Variants in CAVIN1 observed in about 807,000 individuals in gnomAD.
CAVIN1 encodes the protein caveolae associated protein 1.
In CAVIN1, 16 loss-of-function variants were observed where a neutral mutation model predicts 24.0. The observed-to-expected ratio is 0.67, with a 90% CI of 0.45 to 1.01. The LOEUF is 1.01. Among genes scored for constraint, CAVIN1 ranks in the 50% least tolerant of loss-of-function variants. CAVIN1 has a pLI of 0.00. For synonymous variants in CAVIN1, 256 were observed against 256.4 expected, an observed-to-expected ratio of 1.00 and a Z score of 0.02; for missense variants, 510 against 551.7, an observed-to-expected ratio of 0.92 and a Z score of 0.76.
At position 42,422,846 on chromosome 17, in the gene CAVIN1, G is replaced by C. The variant is rs1311131868; in HGVS notation, c.252C>G (p.Gly84=). 6.2e-7 allele frequency: 1 copy of C among 1,613,150 alleles called. No homozygotes were observed. Among genetic ancestry groups the C allele is most frequent in the Non-Finnish European group, 8.5e-7 (1 of 1,179,892 alleles). ...QLEERQAEME[G]AVQSIQGELS... ...GCTCGCCCTGGATGCTCTGCACTGCGCCCTCCATCTCCGCCTGCCGCTCCT... is the reference window on the plus strand; with the variant it reads ...GCTCGCCCTGGATGCTCTGCACTGCCCCCTCCATCTCCGCCTGCCGCTCCT... Residue 84 remains glycine, a synonymous_variant, in exon 1 of 2, where the codon GGC becomes GGG. Coordinates refer to ENST00000357037, the MANE Select transcript of CAVIN1 (RefSeq NM_012232.6).
intron 1 of CAVIN1, among the ~76,000 whole-genome samples, chr17:42,411,207 A>AAAAAAAAAAAAAAAC (rs758609413): frequency 0.018 from 2,274 of 126,836 alleles, 4 homozygotes; most frequent in East Asian, 0.051. Flanking sequence ...AAAAAAAAAA[A>AAAAAAAAAAAAAAAC]AACTAAAAGG....
At chr17:42,406,614 T>C (rs2085448182) in intron 1 of CAVIN1, among the ~76,000 whole-genome samples, 1 of 151,898 alleles carries the variant, frequency 6.6e-6, no homozygotes, top group Admixed American at 6.5e-5. Context: ...TGACCTCAAA[T>C]GATCCACCCG....
At chr17:42,415,887 G>T (rs2085508897) in intron 1 of CAVIN1, among the ~76,000 whole-genome samples, 1 of 152,024 alleles carries the variant, frequency 6.6e-6, no homozygotes, top group African/African-American at 2.4e-5. Flanking sequence ...CTCCCCTCTT[G>T]CTATCAGTTG....
chr17:42,412,054 C>T (rs1450462076), intron 1 of CAVIN1: 2 of 985,274 alleles, frequency 2.0e-6, no homozygotes, highest in Non-Finnish European at 2.4e-6. Flanking sequence ...CTAAACACTC[C>T]CACCGGCTGT....
chr17:42,405,263 C>T lies in CAVIN1; in HGVS notation c.597G>A (p.Leu199=). 6.2e-7 allele frequency: 1 copy of T among 1,613,476 alleles called. No individual in the cohort carries two copies. Among genetic ancestry groups the T allele is most frequent in the Non-Finnish European group, 8.5e-7 (1 of 1,179,950 alleles). Residue 199 remains leucine, a synonymous_variant, in exon 2 of 2, where the codon CTG becomes CTA. Coordinates refer to ENST00000357037, the MANE Select transcript of CAVIN1 (RefSeq NM_012232.6). ...GERPEEDAAA[L]ELSSDEAVEV... ...CCACCGCCTCGTCCGACGAAAGCTC[C>T]AGCGCCGCTGCGTCCTCCTCGGGCC...
At chr17:42,410,722 G>C (rs1317407407) in intron 1 of CAVIN1, among the ~76,000 whole-genome samples, 1 of 151,552 alleles carries the variant, frequency 6.6e-6, no homozygotes, top group Non-Finnish European at 1.5e-5. Context: ...GACCATTCTG[G>C]CCAACATGGT....
At chr17:42,409,102 T>TTTTG (rs1009797319) in intron 1 of CAVIN1, among the ~76,000 whole-genome samples, 5 of 150,346 alleles carry the variant, frequency 3.3e-5, no homozygotes, top group African/African-American at 9.8e-5. Flanking sequence ...ATTTTTGTGT[T>TTTTG]TTTGTTTGTT....
intron 1 of CAVIN1, among the ~76,000 whole-genome samples, chr17:42,421,449 G>A (rs564387048): frequency 4.6e-5 from 7 of 152,254 alleles, no homozygotes; most frequent in African/African-American, 1.7e-4. Context: ...AGGAAGGGGA[G>A]AGGGGAGCAT....
intron 1 of CAVIN1, among the ~76,000 whole-genome samples, chr17:42,419,471 C>T (rs2085532336): frequency 6.6e-6 from 1 of 151,968 alleles, no homozygotes; most frequent in Non-Finnish European, 1.5e-5. Context: ...CACCACCATG[C>T]CCGGCTAATT....
chr17:42,404,751 T>A lies in CAVIN1; in HGVS notation c.1109A>T (p.His370Leu). ...CTCCTCGGTGATCTCCAGCAGCGCGTGCACGTCGGGGCTGCTCCCGCGCCG... is the reference window on the plus strand; with the variant it reads ...CTCCTCGGTGATCTCCAGCAGCGCGAGCACGTCGGGGCTGCTCCCGCGCCG... The part of the protein sequence containing the change: ...DLRRGSSPDV[H>L]ALLEITEESD... The change falls in exon 2 of 2, where the codon CAC becomes CTC. Residue 370 changes from histidine to leucine, a missense_variant. His to Leu is a moderately conservative substitution (Grantham distance 99). Coordinates refer to ENST00000357037, the MANE Select transcript of CAVIN1 (RefSeq NM_012232.6). 1 of 1,530,860 alleles carries A rather than the reference T, an allele frequency of 6.5e-7. No homozygotes were observed. Among genetic ancestry groups the A allele is most frequent in the Non-Finnish European group, 8.7e-7 (1 of 1,144,986 alleles). The allele number at this position is 1,530,860 out of a possible 1,614,324, so 94.8% of individuals were successfully genotyped here.
At chr17:42,411,207 A>AAAAAAAAAAAAAAAAAC (rs758609413) in intron 1 of CAVIN1, among the ~76,000 whole-genome samples, 2,559 of 127,022 alleles carry the variant, frequency 0.02, 232 homozygotes, top group East Asian at 0.062. Flanking sequence ...AAAAAAAAAA[A>AAAAAAAAAAAAAAAAAC]AACTAAAAGG....
intron 1 of CAVIN1, among the ~76,000 whole-genome samples, chr17:42,419,606 C>T (rs1030293425): frequency 6.6e-6 from 1 of 152,270 alleles, no homozygotes; most frequent in East Asian, 1.9e-4. Context: ...CCACCTAGCC[C>T]GGCCTCTGCA....
rs1471011785 is a variant in CAVIN1 at position 42,423,128 on chromosome 17, G to GTGGGGC, written c.-37_-32dup. The GTGGGGC allele has an allele frequency of 1.3e-6, 2 of 1,494,954 alleles. No homozygotes were observed. Among genetic ancestry groups the GTGGGGC allele is most frequent in the Non-Finnish European group, 1.8e-6 (2 of 1,111,458 alleles). The allele number at this position is 1,494,954 out of a possible 1,614,324, so 92.6% of individuals were successfully genotyped here. On this transcript the variant is annotated 5_prime_UTR_variant, in exon 1 of 2. Coordinates refer to ENST00000357037, the MANE Select transcript of CAVIN1 (RefSeq NM_012232.6). ...CCCGGAGCCGTGCGGGACCGGCCGGGTGGGGCTGGAGCTGGAGCGGGAGAC... is the reference window on the plus strand; with the variant it reads ...CCCGGAGCCGTGCGGGACCGGCCGGGTGGGGCTGGGGCTGGAGCTGGAGCGGGAGAC...
intron 1 of CAVIN1, among the ~76,000 whole-genome samples, chr17:42,422,007 G>C (rs1370843341): frequency 3.9e-5 from 6 of 152,228 alleles, no homozygotes; most frequent in Admixed American, 3.3e-4. Context: ...CAGGAGCAGA[G>C]AGCAGCGAGG....
chr17:42,412,117 C>A, intron 1 of CAVIN1: 2 of 985,320 alleles, frequency 2.0e-6, no homozygotes, highest in Non-Finnish European at 2.4e-6. Context: ...TGGCAGTGCC[C>A]TAGGCGTCTG....
At chr17:42,421,181 C>T (rs1479945250) in intron 1 of CAVIN1, among the ~76,000 whole-genome samples, 1 of 152,090 alleles carries the variant, frequency 6.6e-6, no homozygotes, top group Non-Finnish European at 1.5e-5. Context: ...TGTCCCACCA[C>T]CTCAGATAGG....
At chr17:42,413,742 A>C (rs1022774970) in intron 1 of CAVIN1, among the ~76,000 whole-genome samples, 1 of 152,064 alleles carries the variant, frequency 6.6e-6, no homozygotes, top group African/African-American at 2.4e-5. Context: ...TTCCCCAGCC[A>C]TAATCATAGG....
chr17:42,422,292 AG>A (rs1481522098), intron 1 of CAVIN1, among the ~76,000 whole-genome samples: 1 of 152,198 alleles, frequency 6.6e-6, no homozygotes, highest in Non-Finnish European at 1.5e-5. Context: ...CCAATTAGGG[AG>A]GGAGCGGTCT....
At chr17:42,421,712 A>G (rs1317735820) in intron 1 of CAVIN1, among the ~76,000 whole-genome samples, 1 of 152,176 alleles carries the variant, frequency 6.6e-6, no homozygotes, top group Non-Finnish European at 1.5e-5. Context: ...AAAGAAAGCA[A>G]CAAGTGGCCC....
Sources: allele counts gnomAD v4.1 joint callset (sites outside exome capture counted in the v4.1 genomes callset), GRCh38; gene constraint gnomAD v4.1.1; transcripts MANE v1.5; gene names NCBI Gene and HGNC (gene_info 2026-07-23, HGNC 2026-07-21).